Variants in LAMA2 observed in about 807,000 individuals in gnomAD.
LAMA2 encodes laminin subunit alpha 2, also known as laminin subunit alpha-2.
Under a neutral mutation model 364.8 loss-of-function variants are expected in LAMA2, and 269 were observed. That is an observed-to-expected ratio of 0.74 (90% confidence interval 0.67 to 0.82). The LOEUF (loss-of-function observed/expected upper bound fraction) is 0.82, where lower values mean the gene tolerates loss of function less well. Ranked by LOEUF, LAMA2 falls within the 40% of genes least tolerant of loss-of-function variation. The pLI, the probability that LAMA2 is intolerant of heterozygous loss-of-function variation, is 0.00. For synonymous variants in LAMA2, 1,379 were observed against 1,370.6 expected (o/e 1.01, Z -0.14); for missense variants, 3,807 against 3,873.2 (o/e 0.98, Z 0.45).
intron 15 of LAMA2, among the ~76,000 whole-genome samples, chr6:129,265,687 G>A (rs996778090): frequency 2.0e-5 from 3 of 151,522 alleles, no homozygotes; most frequent in Admixed American, 2.0e-4. Flanking sequence ...GACACAGGGA[G>A]GGGAACATTA....
intron 62 of LAMA2, among the ~76,000 whole-genome samples, chr6:129,509,087 A>G (rs1786350932): frequency 6.6e-6 from 1 of 152,128 alleles, no homozygotes; most frequent in African/African-American, 2.4e-5. Flanking sequence ...TTTGATTTGC[A>G]TTTCTCTGAT....
intron 22 of LAMA2, among the ~76,000 whole-genome samples, chr6:129,310,455 C>T (rs933422377): frequency 2.6e-5 from 4 of 152,050 alleles, no homozygotes; most frequent in African/African-American, 9.7e-5. Flanking sequence ...ATGACTTTAC[C>T]ACTGGGCTGT....
chr6:129,089,659 G>T lies in LAMA2; in HGVS notation c.397-8514G>T, dbSNP rs149427518. 3.0e-4 allele frequency among the ~76,000 whole-genome samples: 46 copies of T among 152,290 alleles called. No homozygotes were observed. The East Asian group carries it at 8.1e-3, about 27-fold the overall frequency. On this transcript the variant is annotated intron_variant, in intron 3 of 64. Transcript: ENST00000421865. ...AAACCACAGATTGTTTCAAATGAGA[G>T]AAAAATATGTGAGAAGAGAATAGAT...
chr6:129,180,644 G>A (rs1159717651), intron 10 of LAMA2, among the ~76,000 whole-genome samples: 1 of 152,068 alleles, frequency 6.6e-6, no homozygotes, highest in African/African-American at 2.4e-5. Context: ...ATGACATACT[G>A]AGCTGATATG....
At chr6:129,419,989 A>G (rs1024917336) in intron 40 of LAMA2, among the ~76,000 whole-genome samples, 3 of 152,116 alleles carry the variant, frequency 2.0e-5, no homozygotes, top group Non-Finnish European at 2.9e-5. Flanking sequence ...ATTGTGTATG[A>G]TTTTTTAAAT....
intron 1 of LAMA2, among the ~76,000 whole-genome samples, chr6:128,954,567 G>T (rs1781027508): frequency 1.3e-5 from 2 of 151,866 alleles, no homozygotes; most frequent in Admixed American, 6.6e-5. Context: ...TTTTTATGTG[G>T]GTGTGGCATG....
At chr6:129,053,382 C>T (rs1269695012) in intron 2 of LAMA2, among the ~76,000 whole-genome samples, 1 of 152,064 alleles carries the variant, frequency 6.6e-6, no homozygotes, top group Non-Finnish European at 1.5e-5. Context: ...GTGAATTTCT[C>T]GGATGTAAGT....
intron 12 of LAMA2, among the ~76,000 whole-genome samples, chr6:129,239,902 A>G (rs930242360): frequency 7.9e-5 from 12 of 152,190 alleles, no homozygotes; most frequent in Non-Finnish European, 1.5e-4. Context: ...GGAGTTTGTT[A>G]GGAGAATTGG....
At chr6:129,271,709 G>A (rs1287343845) in intron 17 of LAMA2, among the ~76,000 whole-genome samples, 3 of 152,034 alleles carry the variant, frequency 2.0e-5, no homozygotes, top group African/African-American at 7.2e-5. Flanking sequence ...GGTGAGCTTA[G>A]TGCTTAATAA....
chr6:129,368,271 C>A (rs1242153391), intron 33 of LAMA2, among the ~76,000 whole-genome samples: 1 of 152,136 alleles, frequency 6.6e-6, no homozygotes, highest in African/African-American at 2.4e-5. Flanking sequence ...CGTGTGAGGA[C>A]ACAGGGAGAA....
intron 29 of LAMA2, among the ~76,000 whole-genome samples, chr6:129,335,638 T>G (rs1775915299): frequency 6.6e-6 from 1 of 152,204 alleles, no homozygotes; most frequent in Non-Finnish European, 1.5e-5. Context: ...ACCAATTACC[T>G]CTATCTTCAG....
At chr6:129,220,177 T>A (rs910825030) in intron 12 of LAMA2, among the ~76,000 whole-genome samples, 4 of 152,168 alleles carry the variant, frequency 2.6e-5, no homozygotes, top group Admixed American at 1.3e-4. Context: ...ACAACTAAGT[T>A]GGCTTTCAGA....
At chr6:128,962,993 T>C (rs1422132534) in intron 1 of LAMA2, among the ~76,000 whole-genome samples, 1 of 152,164 alleles carries the variant, frequency 6.6e-6, no homozygotes. Context: ...AAGATAATTA[T>C]TTTTAGTACC....
intron 40 of LAMA2, among the ~76,000 whole-genome samples, chr6:129,414,043 T>C (rs1780666978): frequency 6.6e-6 from 1 of 152,018 alleles, no homozygotes; most frequent in South Asian, 2.1e-4. Context: ...AAGGGGATCA[T>C]AACTGTAGAT....
chr6:129,021,366 C>T (rs1384027057), intron 1 of LAMA2, among the ~76,000 whole-genome samples: 2 of 152,166 alleles, frequency 1.3e-5, no homozygotes, highest in African/African-American at 4.8e-5. Context: ...GTAAATTATT[C>T]TGATGCTAAA....
chr6:129,314,882 A>C (rs142127449), intron 24 of LAMA2, 84 bp downstream of exon 24: 2 of 1,407,676 alleles, frequency 1.4e-6, no homozygotes, highest in African/African-American at 1.4e-5. Flanking sequence ...GGGGTAGTAG[A>C]AAATGGCAAA....
At chr6:128,988,576 C>T (rs1049773752) in intron 1 of LAMA2, among the ~76,000 whole-genome samples, 1 of 152,144 alleles carries the variant, frequency 6.6e-6, no homozygotes, top group East Asian at 1.9e-4. Context: ...AAGCCCAATC[C>T]GAGCATTACC....
In LAMA2 at chr6:128,997,314, CAA is replaced by C. The variant is rs1309891544; in HGVS notation, c.113-52602_113-52601del. 1.9e-4 allele frequency among the ~76,000 whole-genome samples: 24 copies of C among 125,900 alleles called. No homozygotes were observed. In the East Asian group the frequency reaches 2.6e-3, roughly 14 times the overall value. The allele number at this position is 125,900 out of a possible 152,430, so 82.6% of individuals were successfully genotyped here. A position where few individuals can be genotyped will look rare whatever the true frequency, so the allele number is the denominator to read the frequency against. On this transcript the variant is annotated intron_variant, in intron 1 of 64. Coordinates refer to ENST00000421865, the MANE Select transcript of LAMA2 (RefSeq NM_000426.4). ...AAAGAGAAAAGAAGAAAGAAAGAAA[CAA>C]AGAGAGAGAGAGAAAGAAAGAGAAA...
intron 43 of LAMA2, among the ~76,000 whole-genome samples, chr6:129,441,385 T>C (rs554287408): frequency 5.7e-4 from 87 of 152,306 alleles, no homozygotes; most frequent in African/African-American, 2.0e-3. Context: ...GGCACGTTCA[T>C]GAACAGACTT....
Sources: allele counts gnomAD v4.1 joint callset (sites outside exome capture counted in the v4.1 genomes callset), GRCh38; gene constraint gnomAD v4.1.1; transcripts MANE v1.5; gene names NCBI Gene and HGNC (gene_info 2026-07-23, HGNC 2026-07-21).